Variants in ZNF609 observed in about 807,000 individuals in gnomAD.
The protein encoded by ZNF609 is zinc finger protein 609.
ZNF609 carries 11 observed loss-of-function variants against 109.5 expected under a neutral mutation model. The observed-to-expected ratio is 0.10, with a 90% CI of 0.06 to 0.17. The LOEUF (loss-of-function observed/expected upper bound fraction) is 0.17, where lower values mean the gene tolerates loss of function less well. Ranked by LOEUF, ZNF609 falls within the 10% of genes least tolerant of loss-of-function variation. The pLI, the probability that ZNF609 is intolerant of heterozygous loss-of-function variation, is 1.00. For synonymous variants in ZNF609, 646 were observed against 662.0 expected (o/e 0.98, Z 0.37); for missense variants, 1,559 against 1,772.4 (o/e 0.88, Z 2.16).
chr15:64,575,992 C>G lies in ZNF609; in HGVS notation c.748-46835C>G, dbSNP rs1894945416. Among the ~76,000 whole-genome samples the G allele has an allele frequency of 2.6e-5, 4 of 152,108 alleles. No individual in the cohort carries two copies. The South Asian group carries it at 8.3e-4, about 32-fold the overall frequency. On this transcript the variant is annotated intron_variant, in intron 2 of 9. Coordinates refer to ENST00000326648, the MANE Select transcript of ZNF609 (RefSeq NM_015042.2). ...TGGCGGGCACCTGTAGTCCCAGCTACTTGGGAGGCTGAGGCAGGAGAATGG... is the reference window on the plus strand; with the variant it reads ...TGGCGGGCACCTGTAGTCCCAGCTAGTTGGGAGGCTGAGGCAGGAGAATGG...
In ZNF609 at chr15:64,675,484, A is replaced by G. The variant is rs1896795163; in HGVS notation, c.2630A>G (p.Lys877Arg). 2 of 1,614,184 alleles carry G rather than the reference A, an allele frequency of 1.2e-6. No homozygotes were observed. The highest frequency in any genetic ancestry group is 1.7e-6 in the Non-Finnish European group (2 of 1,180,038). Residue 877 changes from lysine (K) to arginine (R), a missense_variant, in exon 5 of 10, where the codon AAA becomes AGA. Lys to Arg is a conservative substitution (Grantham distance 26). Coordinates refer to ENST00000326648, the MANE Select transcript of ZNF609 (RefSeq NM_015042.2). ...CAGTTGGTTAAAGAAGGGGCTAAGA[A>G]AACTCTTTTTCCCCCTCAGCCTCAG... ...AEQLVKEGAK[K>R]TLFPPQPQSK...
At chr15:64,538,377 T>C (rs923710139) in intron 2 of ZNF609, among the ~76,000 whole-genome samples, 1 of 152,188 alleles carries the variant, frequency 6.6e-6, no homozygotes, top group Non-Finnish European at 1.5e-5. Flanking sequence ...TCCACTAAAA[T>C]GTTTGAGGCT....
intron 2 of ZNF609, among the ~76,000 whole-genome samples, chr15:64,598,946 G>A (rs970529909): frequency 1.3e-5 from 2 of 150,114 alleles, no homozygotes; most frequent in African/African-American, 2.4e-5. Flanking sequence ...CTTACCAACT[G>A]GGATATGTTC....
At chr15:64,638,524 C>T (rs1896210834) in intron 3 of ZNF609, among the ~76,000 whole-genome samples, 1 of 151,696 alleles carries the variant, frequency 6.6e-6, no homozygotes, top group Admixed American at 6.6e-5. Context: ...CTAGTAAACT[C>T]AGCAGTTACT....
At chr15:64,550,454 G>A (rs1285120041) in intron 2 of ZNF609, among the ~76,000 whole-genome samples, 1 of 152,056 alleles carries the variant, frequency 6.6e-6, no homozygotes, top group African/African-American at 2.4e-5. Context: ...AGCACTCTGG[G>A]AAGCCAAGGC....
At chr15:64,600,147 A>G (rs1246138645) in intron 2 of ZNF609, among the ~76,000 whole-genome samples, 1 of 152,140 alleles carries the variant, frequency 6.6e-6, no homozygotes. Flanking sequence ...GCGAAACCCC[A>G]TCTCTAAAAA....
chr15:64,539,525 A>G (rs1894213399), intron 2 of ZNF609, among the ~76,000 whole-genome samples: 1 of 148,620 alleles, frequency 6.7e-6, no homozygotes, highest in African/African-American at 2.5e-5. Flanking sequence ...TATTTTTGAG[A>G]CAGAGTCTCA....
rs370931570 is a variant in ZNF609, at chr15:64,674,285, G to A, written c.1431G>A (p.Gly477=). The A allele has an allele frequency of 9.9e-6, 16 of 1,613,996 alleles. No individual in the cohort carries two copies. The highest frequency in any genetic ancestry group is 1.6e-4 in the Middle Eastern group (1 of 6,084). ...SMGSATGPLP[G]TKVEPTVLDR... The stretch of plus-strand genomic sequence containing the variant: ...GCTCAGCCACTGGCCCCCTTCCTGG[G>A]ACAAAGGTAGAACCCACTGTTCTGG... Residue 477 remains glycine (G), a synonymous_variant, in exon 5 of 10, where the codon GGG becomes GGA. Transcript: ENST00000326648.
At chr15:64,643,713 G>A (rs777783476) in intron 3 of ZNF609, 12 of 152,090 alleles carry the variant, frequency 7.9e-5, no homozygotes, top group Non-Finnish European at 1.6e-4. Flanking sequence ...AATATTTATT[G>A]TTAACTATTC....
At chr15:64,565,421 T>G (rs1223005630) in intron 2 of ZNF609, among the ~76,000 whole-genome samples, 1 of 151,994 alleles carries the variant, frequency 6.6e-6, no homozygotes, top group Non-Finnish European at 1.5e-5. Context: ...AATTTTGTTT[T>G]GCTTGTCTTT....
At chr15:64,634,498 C>G (rs916104345) in intron 3 of ZNF609, among the ~76,000 whole-genome samples, 1 of 152,032 alleles carries the variant, frequency 6.6e-6, no homozygotes, top group African/African-American at 2.4e-5. Flanking sequence ...TTGGTTTTTC[C>G]TGTGTGATTT....
chr15:64,554,611 T>C (rs1894545528), intron 2 of ZNF609, among the ~76,000 whole-genome samples: 1 of 151,852 alleles, frequency 6.6e-6, no homozygotes, highest in South Asian at 2.1e-4. Flanking sequence ...TGAACCATGA[T>C]AGTGCCACTG....
At chr15:64,667,820 G>A (rs1896671875) in intron 3 of ZNF609, among the ~76,000 whole-genome samples, 1 of 152,192 alleles carries the variant, frequency 6.6e-6, no homozygotes. Context: ...GTCGTGAGAG[G>A]TGATTTCAGA....
chr15:64,563,631 C>T (rs1009164081), intron 2 of ZNF609, among the ~76,000 whole-genome samples: 12 of 151,658 alleles, frequency 7.9e-5, no homozygotes, highest in African/African-American at 2.9e-4. Context: ...CAAAATTTAG[C>T]CGGGCATGGT....
rs182676603 is a variant in ZNF609, at chr15:64,481,508, C to G, written c.-127-17785C>G. Among the ~76,000 whole-genome samples, 3 of 151,682 alleles carry G rather than the reference C, an allele frequency of 2.0e-5. No individual in the cohort carries two copies. In the East Asian group the frequency reaches 5.8e-4, roughly 30 times the overall value. On this transcript the variant is annotated intron_variant, in intron 1 of 9. Transcript: ENST00000326648. ...GCTAATTCTGTATTTTTAGTAGAGG[C>G]GGGGTTTCTTCATGTTGGTCAGGCT...
At chr15:64,569,650 C>G (rs1894830270) in intron 2 of ZNF609, among the ~76,000 whole-genome samples, 1 of 152,260 alleles carries the variant, frequency 6.6e-6, no homozygotes, top group Non-Finnish European at 1.5e-5. Context: ...TTTGCTCTCA[C>G]AGTGAGTCTC....
intron 2 of ZNF609, chr15:64,529,549 T>G (rs1338734736): frequency 3.0e-6 from 4 of 1,337,132 alleles, no homozygotes; most frequent in Non-Finnish European, 3.2e-6. Flanking sequence ...GACCATGTAG[T>G]TGAGGTCAAT....
intron 2 of ZNF609, among the ~76,000 whole-genome samples, chr15:64,553,421 C>T (rs1826980157): frequency 6.6e-6 from 1 of 151,892 alleles, no homozygotes; most frequent in South Asian, 2.1e-4. Flanking sequence ...GTTCTCTTTA[C>T]AATATTTTGT....
At chr15:64,604,289 T>C (rs1895558601) in intron 2 of ZNF609, among the ~76,000 whole-genome samples, 1 of 152,358 alleles carries the variant, frequency 6.6e-6, no homozygotes, top group South Asian at 2.1e-4. Flanking sequence ...AAGCAAGGCT[T>C]GCTAAACTAC....
Sources: allele counts gnomAD v4.1 joint callset (sites outside exome capture counted in the v4.1 genomes callset), GRCh38; gene constraint gnomAD v4.1.1; transcripts MANE v1.5; gene names NCBI Gene and HGNC (gene_info 2026-07-23, HGNC 2026-07-21).